Variants in CD163L1 observed in about 807,000 individuals in gnomAD.
The protein encoded by CD163L1 is CD163 molecule like 1, also known as scavenger receptor cysteine-rich type 1 protein M160.
Under a neutral mutation model 165.4 loss-of-function variants are expected in CD163L1, and 124 were observed. That is an observed-to-expected ratio of 0.75 (90% CI 0.65 to 0.87). The LOEUF is 0.87. CD163L1 is among the 40% of genes least tolerant of loss of function. The probability of loss-of-function intolerance (pLI) is 0.00; values close to 1 mark genes in which losing one functional copy is unlikely to be tolerated. For synonymous variants in CD163L1, 585 were observed against 662.2 expected (o/e 0.88, Z 1.79); for missense variants, 1,525 against 1,799.9 (o/e 0.85, Z 2.76).
chr12:7,424,095 A>C (rs1948492374), intron 4 of CD163L1, among the ~76,000 whole-genome samples: 1 of 152,166 alleles, frequency 6.6e-6, no homozygotes, highest in Admixed American at 6.5e-5. Context: ...ATACTGGCAA[A>C]CTGAATCCAG....
chr12:7,323,018 G>T, the CD163L1 span, among the ~76,000 whole-genome samples: 4 of 152,088 alleles, frequency 2.6e-5, no homozygotes, highest in East Asian at 7.7e-4. Flanking sequence ...CTGGGATAAG[G>T]CCCATCAATC....
At chr12:7,322,641 T>G in the CD163L1 span, 10 of 1,437,264 alleles carry the variant, frequency 7.0e-6, no homozygotes, top group Admixed American at 2.7e-4. Flanking sequence ...CTGTAAATTT[T>G]TATAGAGTTT....
chr12:7,409,892 T>C (rs1421060106), intron 4 of CD163L1, among the ~76,000 whole-genome samples: 1 of 151,868 alleles, frequency 6.6e-6, no homozygotes, highest in African/African-American at 2.4e-5. Flanking sequence ...AAAAAAACTA[T>C]GGAGAAGATA....
intron 1 of CD163L1, 116 bp from the exon 2 acceptor site, chr12:7,441,362 CCT>C: frequency 1.4e-6 from 1 of 739,786 alleles, no homozygotes. Context: ...TATTCTTCCA[CCT>C]GTCAAGGATA....
At position 7,372,261 on chromosome 12, in the gene CD163L1, T is replaced by C. The variant is rs1235472802; in HGVS notation, c.3730+1059A>G. Among the ~76,000 whole-genome samples, 1 of 152,064 alleles carries C rather than the reference T, an allele frequency of 6.6e-6. No individual in the cohort carries two copies. Among genetic ancestry groups the C allele is most frequent in the Non-Finnish European group, 1.5e-5 (1 of 67,948 alleles). On this transcript the variant is annotated intron_variant, in intron 14 of 19. Coordinates refer to ENST00000313599, the MANE Select transcript of CD163L1 (RefSeq NM_174941.6). This position sits in a 1 kb window ranked among gnomAD's most constrained non-coding sequence, Gnocchi z 4.2. ...AAATAAAATCAATGCTCTCATATAC[T>C]GGGGATAAGAATGAAAACTAATACA... is the stretch of plus-strand genomic sequence containing the variant.
At chr12:7,407,373 T>A (rs2136534907) in intron 4 of CD163L1, among the ~76,000 whole-genome samples, 1 of 152,212 alleles carries the variant, frequency 6.6e-6, no homozygotes, top group East Asian at 1.9e-4. Flanking sequence ...TTACAGGAAT[T>A]TACTCTTGAA....
intron 2 of CD163L1, among the ~76,000 whole-genome samples, chr12:7,436,591 G>A (rs1948716017): frequency 6.6e-6 from 1 of 152,068 alleles, no homozygotes; most frequent in South Asian, 2.1e-4. Context: ...GGACAACATA[G>A]TGAGACCCTA....
chr12:7,440,317 G>C (rs1172043938), intron 2 of CD163L1, among the ~76,000 whole-genome samples: 1 of 151,418 alleles, frequency 6.6e-6, no homozygotes, highest in Non-Finnish European at 1.5e-5. Context: ...CCCGGGCAGG[G>C]ACCTGGAGCC....
the CD163L1 span, among the ~76,000 whole-genome samples, chr12:7,335,860 C>T: frequency 2.0e-5 from 3 of 152,128 alleles, no homozygotes; most frequent in Non-Finnish European, 2.9e-5. Context: ...TATGAACAGA[C>T]ACTTCTCAAA....
chr12:7,375,418 A>G lies in CD163L1; in HGVS notation c.2864T>C (p.Ile955Thr). Residue 955 changes from isoleucine (I) to threonine (T), a missense_variant, in exon 11 of 20, where the codon ATT becomes ACT. Coordinates refer to ENST00000313599, the MANE Select transcript of CD163L1 (RefSeq NM_174941.6). ...TALSTTGGKYIGERSVRVWGH... is the reference protein window; with the variant it reads ...TALSTTGGKYTGERSVRVWGH... ...CCACACACGAACACTTCTTTCTCCA[A>G]TATATTTTCCTCCTGTGGTTGAGAG... is the stretch of plus-strand genomic sequence containing the variant. 5 of 1,614,106 alleles carry G rather than the reference A, an allele frequency of 3.1e-6. No individual in the cohort carries two copies. The highest frequency in any genetic ancestry group is 4.2e-6 in the Non-Finnish European group (5 of 1,180,028).
the CD163L1 span, chr12:7,324,537 T>C: frequency 2.2e-5 from 35 of 1,614,008 alleles, no homozygotes; most frequent in Middle Eastern, 1.6e-4. Flanking sequence ...AGTGCACTCA[T>C]TGAGCATCCA....
chr12:7,394,268 G>C (rs1230205077), intron 8 of CD163L1, among the ~76,000 whole-genome samples: 1 of 152,040 alleles, frequency 6.6e-6, no homozygotes, highest in Non-Finnish European at 1.5e-5. Flanking sequence ...GAACAGAACA[G>C]AGCCCTCAGA....
At chr12:7,335,755 C>T in the CD163L1 span, among the ~76,000 whole-genome samples, 1 of 152,254 alleles carries the variant, frequency 6.6e-6, no homozygotes, top group Non-Finnish European at 1.5e-5. Flanking sequence ...TTGCAACCTA[C>T]TCATCTGACA....
chr12:7,325,375 G>A, the CD163L1 span, among the ~76,000 whole-genome samples: 2 of 152,166 alleles, frequency 1.3e-5, no homozygotes, highest in Admixed American at 6.5e-5. Context: ...GGCTGGGCAC[G>A]GTGGCTCACG....
At chr12:7,327,082 A>G in the CD163L1 span, 2 of 1,605,476 alleles carry the variant, frequency 1.2e-6, no homozygotes, top group Non-Finnish European at 1.7e-6. Flanking sequence ...GCACCTTACA[A>G]ATATCCAAGA....
intron 5 of CD163L1, among the ~76,000 whole-genome samples, chr12:7,404,834 T>C (rs1295651140): frequency 6.6e-6 from 1 of 152,166 alleles, no homozygotes; most frequent in Admixed American, 6.5e-5. Flanking sequence ...TTTAGGTATT[T>C]TCCCTGCACT....
At chr12:7,378,317 CCT>C (rs2136439365) in intron 9 of CD163L1, among the ~76,000 whole-genome samples, 1 of 152,128 alleles carries the variant, frequency 6.6e-6, no homozygotes, top group South Asian at 2.1e-4. Flanking sequence ...CCAATAGCCT[CCT>C]CTCTCCAATG....
chr12:7,433,263 T>C, intron 3 of CD163L1, 111 bp downstream of exon 3: 1 of 895,950 alleles, frequency 1.1e-6, no homozygotes, highest in Admixed American at 2.6e-5. Context: ...AAATATTTCC[T>C]ACACCTCCCA....
rs1370863695 is a variant in CD163L1 at position 7,419,762 on chromosome 12, C to CA, written c.766+12653dup. On this transcript the variant is annotated intron_variant, in intron 4 of 19. Transcript: ENST00000313599. ...AACTCAACTGTTTTTACAATAGCTG[C>CA]AAAAAAAAAATTTATTATACTGCCA... is the stretch of plus-strand genomic sequence containing the variant. Among the ~76,000 whole-genome samples, 679 of 148,232 alleles carry CA rather than the reference C, an allele frequency of 4.6e-3. 7 individuals carry two copies. The highest frequency in any genetic ancestry group is 0.015 in the African/African-American group (616 of 40,686).
Sources: allele counts gnomAD v4.1 joint callset (sites outside exome capture counted in the v4.1 genomes callset), GRCh38; gene constraint gnomAD v4.1.1; non-coding constraint Gnocchi (gnomAD v3.1); transcripts MANE v1.5; gene names NCBI Gene and HGNC (gene_info 2026-07-23, HGNC 2026-07-21).